QKI: variants seen among roughly 807,000 people sequenced by gnomAD.
QKI encodes the protein QKI, KH domain containing RNA binding.
Under a neutral mutation model 39.0 loss-of-function variants are expected in QKI, and 10 were observed. That is an observed-to-expected ratio of 0.26 (90% CI 0.16 to 0.43). The LOEUF (loss-of-function observed/expected upper bound fraction) is 0.43. QKI is among the 20% of genes least tolerant of loss of function. QKI has a pLI of 1.00. For synonymous variants in QKI, 204 were observed against 155.4 expected, an observed-to-expected ratio of 1.31 and a Z score of -2.33; for missense variants, 218 against 428.0, an observed-to-expected ratio of 0.51 and a Z score of 4.33.
chr6:163,468,531 T>C (rs564401311), intron 2 of QKI, among the ~76,000 whole-genome samples: 4 of 152,330 alleles, frequency 2.6e-5, no homozygotes, highest in African/African-American at 9.6e-5. Context: ...TTGGGAAAAA[T>C]CTATCATTTC....
At chr6:163,563,070 A>C (rs1490558467) in intron 5 of QKI, among the ~76,000 whole-genome samples, 1 of 152,256 alleles carries the variant, frequency 6.6e-6, no homozygotes, top group Non-Finnish European at 1.5e-5. Flanking sequence ...ATTATTTTTT[A>C]ACATCTGTTA....
At chr6:163,420,246 G>A (rs1787894967) in intron 1 of QKI, among the ~76,000 whole-genome samples, 1 of 142,642 alleles carries the variant, frequency 7.0e-6, no homozygotes, top group South Asian at 2.2e-4. Context: ...ACACCAGTGT[G>A]ATCATAGGAG....
chr6:163,432,576 T>G (rs1475857897), intron 1 of QKI, among the ~76,000 whole-genome samples: 1 of 152,064 alleles, frequency 6.6e-6, no homozygotes, highest in Non-Finnish European at 1.5e-5. Context: ...AAAATTTTTT[T>G]TTTGGTAAGA....
intron 1 of QKI, among the ~76,000 whole-genome samples, chr6:163,436,322 T>G (rs1789269469): frequency 6.6e-6 from 1 of 152,196 alleles, no homozygotes; most frequent in Admixed American, 6.5e-5. Flanking sequence ...GACTGTAGTT[T>G]TGGGCAGCAT....
intron 3 of QKI, among the ~76,000 whole-genome samples, chr6:163,489,856 T>G (rs1218886352): frequency 6.6e-6 from 1 of 152,144 alleles, no homozygotes; most frequent in Non-Finnish European, 1.5e-5. Context: ...GCATTGAAAT[T>G]TGATTCTCAT....
intron 3 of QKI, among the ~76,000 whole-genome samples, chr6:163,522,149 A>ATAGT (rs1441039180): frequency 6.6e-6 from 1 of 152,218 alleles, no homozygotes; most frequent in Non-Finnish European, 1.5e-5. Flanking sequence ...ATTTCAAAAA[A>ATAGT]TAGTTAACAT....
intron 4 of QKI, among the ~76,000 whole-genome samples, chr6:163,553,311 C>G (rs1782381647): frequency 1.3e-5 from 2 of 152,076 alleles, no homozygotes; most frequent in Middle Eastern, 3.4e-3. Flanking sequence ...CCATGTTGGT[C>G]AGGCAAGCCT....
intron 3 of QKI, among the ~76,000 whole-genome samples, chr6:163,502,082 G>A (rs986077011): frequency 6.6e-6 from 1 of 152,090 alleles, no homozygotes; most frequent in Non-Finnish European, 1.5e-5. Flanking sequence ...CAGCACTTTG[G>A]GAGGTTGAGG....
chr6:163,499,970 A>T (rs1409615290), intron 3 of QKI, among the ~76,000 whole-genome samples: 1 of 152,158 alleles, frequency 6.6e-6, no homozygotes, highest in Non-Finnish European at 1.5e-5. Flanking sequence ...AGGGCCAATG[A>T]AGGACTCTGA....
Position 163,571,049 on chromosome 6 carries a change from A to G in QKI, c.*339A>G. The G allele has an allele frequency of 5.1e-6, 1 of 195,658 alleles. No homozygotes were observed. The highest frequency in any genetic ancestry group is 6.0e-5 in the Admixed American group (1 of 16,798). The allele number at this position is 195,658 out of a possible 1,614,324, so 12.1% of individuals were successfully genotyped here. A position where few individuals can be genotyped will look rare whatever the true frequency, so the allele number is the denominator to read the frequency against. On this transcript the variant is annotated 3_prime_UTR_variant, in exon 8 of 8. Coordinates refer to ENST00000361752, the MANE Select transcript of QKI (RefSeq NM_006775.3). ...TAAGAAGGCCTCTCTTAAGAAGGGG[A>G]GACAGATGGTCCTTAACTACTCAAT...
chr6:163,481,942 T>C (rs1793104882), intron 3 of QKI, among the ~76,000 whole-genome samples: 1 of 152,144 alleles, frequency 6.6e-6, no homozygotes, highest in South Asian at 2.1e-4. Context: ...ATCTCAGCAC[T>C]TTGGGAGGCT....
chr6:163,527,713 T>C (rs1451650231), intron 3 of QKI, among the ~76,000 whole-genome samples: 1 of 152,196 alleles, frequency 6.6e-6, no homozygotes, highest in Non-Finnish European at 1.5e-5. Flanking sequence ...TGAGATTATT[T>C]TTTTACTTTG....
intron 4 of QKI, among the ~76,000 whole-genome samples, chr6:163,555,825 G>T (rs1451047131): frequency 6.6e-6 from 1 of 151,834 alleles, no homozygotes; most frequent in Non-Finnish European, 1.5e-5. Context: ...TGATTACTTT[G>T]TTGTAGTTTT....
At chr6:163,538,301 T>C (rs1273765861) in intron 4 of QKI, among the ~76,000 whole-genome samples, 1 of 152,184 alleles carries the variant, frequency 6.6e-6, no homozygotes, top group Admixed American at 6.5e-5. Flanking sequence ...TATTCTCTTT[T>C]AACAAAGTGC....
In QKI at chr6:163,571,027, G is replaced by T; in HGVS notation, c.*317G>T. 1 of 218,940 alleles carries T rather than the reference G, an allele frequency of 4.6e-6. No homozygotes were observed. Among genetic ancestry groups the T allele is most frequent in the East Asian group, 9.5e-5 (1 of 10,490 alleles). 13.6% of individuals were successfully genotyped at this position (218,940 alleles called of 1,614,324 possible). On this transcript the variant is annotated 3_prime_UTR_variant, in exon 8 of 8. Transcript: ENST00000361752. ...ATATCCCACCCTAAGCGAACGGTAA[G>T]AAGGCCTCTCTTAAGAAGGGGAGAC...
chr6:163,420,793 A>G (rs1291371402), intron 1 of QKI, among the ~76,000 whole-genome samples: 2 of 152,244 alleles, frequency 1.3e-5, no homozygotes, highest in Non-Finnish European at 2.9e-5. Flanking sequence ...AACTAACAAT[A>G]AACTTTTATG....
intron 3 of QKI, among the ~76,000 whole-genome samples, chr6:163,514,881 CAG>C (rs915702620): frequency 1.3e-5 from 2 of 152,112 alleles, no homozygotes; most frequent in Admixed American, 6.5e-5. Context: ...AAAGGAATAT[CAG>C]TAGCTATAAC....
At position 163,535,005 on chromosome 6, in the gene QKI, C is replaced by T. The variant is rs748022503; in HGVS notation, c.426C>T (p.Pro142=). 3 of 1,609,090 alleles carry T rather than the reference C, an allele frequency of 1.9e-6. No individual in the cohort carries two copies. Among genetic ancestry groups the T allele is most frequent in the Non-Finnish European group, 1.7e-6 (2 of 1,177,904 alleles). The stretch of plus-strand genomic sequence containing the variant: ...AGGAGGAGCAAAATAGAGGCAAGCC[C>T]AATTGGGAGCATCTAAATGAAGATT... The part of the protein sequence containing the change: ...KKKEEQNRGK[P]NWEHLNEDLH... Residue 142 remains proline (P), a synonymous_variant, in exon 4 of 8, where the codon CCC becomes CCT. Transcript: ENST00000361752.
At chr6:163,512,789 G>T (rs1411754683) in intron 3 of QKI, among the ~76,000 whole-genome samples, 1 of 152,074 alleles carries the variant, frequency 6.6e-6, no homozygotes, top group Non-Finnish European at 1.5e-5. Flanking sequence ...ATTATTCACA[G>T]TATATTCTTT....
Sources: allele counts gnomAD v4.1 joint callset (sites outside exome capture counted in the v4.1 genomes callset), GRCh38; gene constraint gnomAD v4.1.1; transcripts MANE v1.5; gene names NCBI Gene and HGNC (gene_info 2026-07-23, HGNC 2026-07-21).